Variants in DGKB observed in about 807,000 individuals in gnomAD.
The protein encoded by DGKB is diacylglycerol kinase beta, also known as 90 kDa diacylglycerol kinase.
In DGKB, 67 loss-of-function variants were observed where a neutral mutation model predicts 114.3. That is an observed-to-expected ratio of 0.59 (90% CI 0.48 to 0.72). The LOEUF is 0.72. Among genes scored for constraint, DGKB ranks in the 30% least tolerant of loss-of-function variants. The pLI is 0.00. For synonymous variants in DGKB, 398 were observed against 323.1 expected (o/e 1.23, Z -2.49); for missense variants, 907 against 975.2 (o/e 0.93, Z 0.93).
intron 1 of DGKB, among the ~76,000 whole-genome samples, chr7:14,898,294 G>A (rs1047995632): frequency 2.0e-5 from 3 of 152,102 alleles, no homozygotes; most frequent in South Asian, 4.1e-4. Context: ...AACTGTGGAG[G>A]GTTATAATAA....
At chr7:14,456,672 T>C (rs1832329141) in intron 21 of DGKB, among the ~76,000 whole-genome samples, 1 of 152,126 alleles carries the variant, frequency 6.6e-6, no homozygotes, top group Non-Finnish European at 1.5e-5. Context: ...TAATTTGATA[T>C]ATTAGCTGTA....
chr7:14,707,236 C>T (rs920402759), intron 6 of DGKB, among the ~76,000 whole-genome samples: 2 of 143,044 alleles, frequency 1.4e-5, no homozygotes, highest in Non-Finnish European at 3.0e-5. Context: ...ATAAATTCCT[C>T]GACACATACA....
intron 1 of DGKB, among the ~76,000 whole-genome samples, chr7:14,944,672 C>T (rs1785765350): frequency 1.4e-5 from 2 of 145,038 alleles, no homozygotes; most frequent in African/African-American, 5.2e-5. Flanking sequence ...CAATTTTGAT[C>T]ATGACTGTGT....
intron 21 of DGKB, among the ~76,000 whole-genome samples, chr7:14,417,412 A>G (rs1292691163): frequency 3.3e-5 from 5 of 152,090 alleles, no homozygotes; most frequent in African/African-American, 9.6e-5. Context: ...GAACTAAGCT[A>G]TAAAATTTTT....
At chr7:14,890,305 C>A (rs931777812) in intron 1 of DGKB, among the ~76,000 whole-genome samples, 1 of 151,444 alleles carries the variant, frequency 6.6e-6, no homozygotes, top group Non-Finnish European at 1.5e-5. Flanking sequence ...ATTTCTGAAG[C>A]TAAATAGCAT....
chr7:14,558,568 C>A (rs1189741791), intron 20 of DGKB, among the ~76,000 whole-genome samples: 1 of 152,106 alleles, frequency 6.6e-6, no homozygotes. Flanking sequence ...TTCCTTGTGG[C>A]CACATGTGTA....
chr7:14,197,674 T>C lies in DGKB; in HGVS notation c.2123-19523A>G, dbSNP rs1785223487. ...TACCAGATAGTTTAAAGCTTCCATATAGAACCATCCTATTATTTTTTCTTT... is the reference window on the plus strand; with the variant it reads ...TACCAGATAGTTTAAAGCTTCCATACAGAACCATCCTATTATTTTTTCTTT... On this transcript the variant is annotated intron_variant, in intron 23 of 25. Transcript: ENST00000402815. Among the ~76,000 whole-genome samples the C allele has an allele frequency of 2.0e-5, 3 of 152,142 alleles. No individual in the cohort carries two copies. The South Asian group carries it at 6.2e-4, about 31-fold the overall frequency.
intron 2 of DGKB, among the ~76,000 whole-genome samples, chr7:14,780,280 G>T (rs1270713433): frequency 6.6e-6 from 1 of 152,180 alleles, no homozygotes; most frequent in East Asian, 1.9e-4. Flanking sequence ...GTGCAGGAAG[G>T]ATATAAATGT....
chr7:14,722,160 T>A (rs1191618297), intron 5 of DGKB, among the ~76,000 whole-genome samples: 1 of 152,234 alleles, frequency 6.6e-6, no homozygotes, highest in Non-Finnish European at 1.5e-5. Flanking sequence ...CTTTTTGTTG[T>A]ATATTCTATG....
chr7:14,461,526 C>T (rs1212118530), intron 21 of DGKB, among the ~76,000 whole-genome samples: 1 of 152,044 alleles, frequency 6.6e-6, no homozygotes, highest in Non-Finnish European at 1.5e-5. Context: ...AATTCCTGGA[C>T]ACATACACCC....
chr7:14,236,476 T>A (rs1584636290), intron 23 of DGKB, among the ~76,000 whole-genome samples: 1 of 151,986 alleles, frequency 6.6e-6, no homozygotes, highest in South Asian at 2.1e-4. Flanking sequence ...AAAAAAAACT[T>A]GAAACAACAT....
At chr7:14,217,410 C>T (rs1789165982) in intron 23 of DGKB, among the ~76,000 whole-genome samples, 1 of 151,908 alleles carries the variant, frequency 6.6e-6, no homozygotes, top group Non-Finnish European at 1.5e-5. Flanking sequence ...CAGTTGCAAT[C>T]TGTATAATTT....
At chr7:14,258,820 C>T (rs1247476469) in intron 23 of DGKB, among the ~76,000 whole-genome samples, 2 of 152,118 alleles carry the variant, frequency 1.3e-5, no homozygotes, top group Non-Finnish European at 2.9e-5. Context: ...ATCCATAGCC[C>T]TAGGGTACGT....
At chr7:14,927,834 T>C (rs1784823490) in intron 1 of DGKB, among the ~76,000 whole-genome samples, 1 of 151,910 alleles carries the variant, frequency 6.6e-6, no homozygotes, top group African/African-American at 2.4e-5. Flanking sequence ...CATCTTCTTT[T>C]TTCCTAAATA....
intron 23 of DGKB, among the ~76,000 whole-genome samples, chr7:14,212,577 A>G (rs73067817): frequency 0.12 from 18,643 of 152,064 alleles, 1,273 homozygotes; most frequent in South Asian, 0.16. Context: ...CTTTTTCCTT[A>G]GAAATTCTCA....
chr7:14,544,432 C>G (rs1243584065), intron 20 of DGKB, among the ~76,000 whole-genome samples: 1 of 152,098 alleles, frequency 6.6e-6, no homozygotes, highest in African/African-American at 2.4e-5. Context: ...ATGTAAAATA[C>G]AGTTTCATTC....
chr7:14,313,719 T>C (rs1460516274), intron 23 of DGKB, among the ~76,000 whole-genome samples: 2 of 152,144 alleles, frequency 1.3e-5, no homozygotes, highest in African/African-American at 2.4e-5. Context: ...GCGCCCGCCA[T>C]TGCCCAGGCT....
At chr7:14,499,416 G>C (rs569332670) in intron 20 of DGKB, among the ~76,000 whole-genome samples, 1 of 99,998 alleles carries the variant, frequency 1.0e-5, no homozygotes, top group Non-Finnish European at 1.8e-5. Context: ...AGAAATATGG[G>C]TGAGTATTTG....
intron 16 of DGKB, among the ~76,000 whole-genome samples, chr7:14,610,080 T>C (rs1805248006): frequency 6.6e-6 from 1 of 152,050 alleles, no homozygotes; most frequent in Admixed American, 6.6e-5. Flanking sequence ...TTTATTTGCA[T>C]CCCTGCTGTA....
Sources: gnomAD v4.1 joint callset for allele counts (sites outside exome capture counted in the v4.1 genomes callset) on GRCh38, gnomAD v4.1.1 for gene constraint, MANE v1.5 for transcripts, NCBI Gene and HGNC (gene_info 2026-07-23, HGNC 2026-07-21) for gene names.